The following USP32 variants were observed in gnomAD, a reference collection of about 807,000 sequenced individuals.
USP32 encodes the protein ubiquitin specific peptidase 32.
USP32 carries 59 observed loss-of-function variants against 204.8 expected under a neutral mutation model. The observed-to-expected ratio is 0.29, with a 90% CI of 0.23 to 0.36. The LOEUF is 0.36. Among genes scored for constraint, USP32 ranks in the 10% least tolerant of loss-of-function variants. USP32 has a pLI of 1.00. For missense variants in USP32, 1,160 were observed against 1,946.4 expected (o/e 0.60, Z 7.60); for synonymous variants, 517 against 678.4 (o/e 0.76, Z 3.70).
intron 2 of USP32, among the ~76,000 whole-genome samples, chr17:60,312,006 G>C (rs1159130966): frequency 6.6e-6 from 1 of 152,188 alleles, no homozygotes; most frequent in East Asian, 1.9e-4. Context: ...TTTTATCATG[G>C]CTTTTAGAGT....
chr17:60,204,101 T>C (rs1000424936), intron 26 of USP32, among the ~76,000 whole-genome samples: 8 of 152,100 alleles, frequency 5.3e-5, no homozygotes, highest in Non-Finnish European at 8.8e-5. Flanking sequence ...TTTAATGCAA[T>C]AGTTATATAT....
At chr17:60,307,086 A>T (rs1366327567) in intron 2 of USP32, among the ~76,000 whole-genome samples, 1 of 151,710 alleles carries the variant, frequency 6.6e-6, no homozygotes, top group Non-Finnish European at 1.5e-5. Flanking sequence ...TGGAATAATT[A>T]ATTTTTTTTC....
chr17:60,213,686 T>G (rs2085028906), intron 17 of USP32, 24 bp from the exon 18 acceptor site: 1 of 1,102,594 alleles, frequency 9.1e-7, no homozygotes, highest in Non-Finnish European at 1.3e-6. Context: ...AGGAAATGTT[T>G]TTGTTATTTG....
intron 1 of USP32, among the ~76,000 whole-genome samples, chr17:60,388,681 AAGAT>A (rs1431295390): frequency 6.6e-6 from 1 of 152,208 alleles, no homozygotes; most frequent in Non-Finnish European, 1.5e-5. Flanking sequence ...ATATTTAAGA[AAGAT>A]AGATTCAAGC....
At chr17:60,352,700 A>G (rs2088977137) in intron 1 of USP32, among the ~76,000 whole-genome samples, 1 of 152,216 alleles carries the variant, frequency 6.6e-6, no homozygotes, top group Non-Finnish European at 1.5e-5. Flanking sequence ...TATAAAGACC[A>G]GTTGAGCGGT....
Position 60,354,563 on chromosome 17 carries a change from T to C in USP32, c.59-8955A>G, listed in dbSNP as rs369582879. Among the ~76,000 whole-genome samples the C allele has an allele frequency of 3.5e-4, 54 of 152,248 alleles. 1 individual carries two copies. The highest frequency in any genetic ancestry group is 1.2e-3 in the African/African-American group (51 of 41,546). On this transcript the variant is annotated intron_variant, in intron 1 of 33. Coordinates refer to ENST00000300896, the MANE Select transcript of USP32 (RefSeq NM_032582.4). Reference sequence around the variant, plus strand: ...TTGTAAATCTGCTTGGTGCAGCTGATCTGAAGTAAATTAACCTATCAAAAG... The same window carrying C: ...TTGTAAATCTGCTTGGTGCAGCTGACCTGAAGTAAATTAACCTATCAAAAG...
In USP32 at chr17:60,234,303, C is replaced by T. The variant is rs540334898; in HGVS notation, c.1239+1835G>A. Among the ~76,000 whole-genome samples the T allele has an allele frequency of 2.2e-3, 331 of 151,328 alleles. 4 individuals carry two copies. The highest frequency in any genetic ancestry group is 7.5e-3 in the African/African-American group (312 of 41,340). On this transcript the variant is annotated intron_variant, in intron 12 of 33. Transcript: ENST00000300896. ...TAATTTGTTGTATTTTCAGTAGAGA[C>T]GGGGTTTCACCGTGTTAGCCAGGAT...
intron 2 of USP32, among the ~76,000 whole-genome samples, chr17:60,344,563 C>G (rs545429056): frequency 6.6e-6 from 1 of 152,352 alleles, no homozygotes; most frequent in African/African-American, 2.4e-5. Context: ...AATCCTCCTA[C>G]TTCAGCCTCC....
At chr17:60,361,537 G>C (rs2146054807) in intron 1 of USP32, among the ~76,000 whole-genome samples, 1 of 152,278 alleles carries the variant, frequency 6.6e-6, no homozygotes, top group East Asian at 1.9e-4. Flanking sequence ...GTGAGCACTA[G>C]GGTCATTCCC....
chr17:60,391,739 C>A, intron 1 of USP32, 143 bp downstream of exon 1: 1 of 843,352 alleles, frequency 1.2e-6, no homozygotes, highest in South Asian at 1.8e-5. Context: ...TCTCCTCCAC[C>A]ACACTCCCCA....
intron 2 of USP32, among the ~76,000 whole-genome samples, chr17:60,315,266 G>T (rs139070104): frequency 2.0e-5 from 3 of 152,104 alleles, no homozygotes; most frequent in African/African-American, 4.8e-5. Flanking sequence ...CAGGCGTGGC[G>T]GTGTGCGCCT....
intron 11 of USP32, among the ~76,000 whole-genome samples, chr17:60,244,185 A>C (rs1287128591): frequency 6.6e-6 from 1 of 151,412 alleles, no homozygotes; most frequent in East Asian, 1.9e-4. Flanking sequence ...ATAGGCGCCC[A>C]CCACCACGCC....
intron 11 of USP32, among the ~76,000 whole-genome samples, chr17:60,238,049 T>C (rs1419385804): frequency 6.6e-6 from 1 of 152,204 alleles, no homozygotes; most frequent in Non-Finnish European, 1.5e-5. Context: ...TGAGAGTCCC[T>C]AATTTCCCTA....
intron 1 of USP32, among the ~76,000 whole-genome samples, chr17:60,408,385 C>CT (rs959586974): frequency 1.1e-4 from 17 of 148,846 alleles, no homozygotes; most frequent in Admixed American, 1.3e-4. Context: ...TCTGGCTCAA[C>CT]TTTTTTTTTT....
intron 5 of USP32, among the ~76,000 whole-genome samples, chr17:60,276,224 A>T (rs1263623288): frequency 2.0e-5 from 3 of 152,168 alleles, no homozygotes; most frequent in Admixed American, 2.0e-4. Context: ...ACTTTTTTGT[A>T]ATAAAATAAA....
At chr17:60,205,912 G>GT (rs2084814362) in intron 25 of USP32, among the ~76,000 whole-genome samples, 2 of 152,220 alleles carry the variant, frequency 1.3e-5, no homozygotes, top group South Asian at 4.1e-4. Context: ...GCAGAAACCT[G>GT]TATCAGCACC....
intron 2 of USP32, among the ~76,000 whole-genome samples, chr17:60,337,642 T>G (rs969093859): frequency 1.3e-5 from 2 of 152,098 alleles, no homozygotes; most frequent in African/African-American, 4.8e-5. Flanking sequence ...TTTGGGAGGC[T>G]GATGAGGGAG....
intron 10 of USP32, 52 bp downstream of exon 10, chr17:60,255,123 T>C: frequency 1.5e-6 from 2 of 1,350,526 alleles, no homozygotes; most frequent in Non-Finnish European, 2.1e-6. Context: ...GGAAAAGATG[T>C]AGAAGTACTG....
Position 60,411,324 on chromosome 17 carries a change from A to AAAATAAATAAATAAAT in USP32, c.106+10906_106+10921dup, listed in dbSNP as rs112375424. On this transcript the variant is annotated intron_variant, in intron 1 of 3. Transcript: ENST00000588898. ...GGGCAATAAAAGCAAAACTGTCTCAAAAATAAATAAATAAATAAATAAATA... is the reference window on the plus strand; with the variant it reads ...GGGCAATAAAAGCAAAACTGTCTCAAAAATAAATAAATAAATAAATAAATAAATAAATAAATAAATA... 7.5e-4 allele frequency among the ~76,000 whole-genome samples: 104 copies of AAAATAAATAAATAAAT among 138,590 alleles called. 1 individual carries two copies. The highest frequency in any genetic ancestry group is 2.8e-3 in the African/African-American group (94 of 33,642). The allele number at this position is 138,590 out of a possible 152,430, so 90.9% of individuals were successfully genotyped here. A position where few individuals can be genotyped will look rare whatever the true frequency, so the allele number is the denominator to read the frequency against.
Sources: allele counts gnomAD v4.1 joint callset (sites outside exome capture counted in the v4.1 genomes callset), GRCh38; gene constraint gnomAD v4.1.1; transcripts MANE v1.5; gene names NCBI Gene and HGNC (gene_info 2026-07-23, HGNC 2026-07-21).